The following RBKS variants were observed in gnomAD, a reference collection of about 807,000 sequenced individuals.
RBKS encodes the protein ribokinase.
A neutral mutation model predicts 33.9 loss-of-function variants in RBKS; 33 were observed. The observed-to-expected ratio is 0.97, with a 90% CI of 0.74 to 1.30. The LOEUF is 1.30. Among genes scored for constraint, RBKS ranks in the 50% most tolerant of loss-of-function variants. The probability of loss-of-function intolerance (pLI) is 0.00; values close to 1 mark genes in which losing one functional copy is unlikely to be tolerated. For missense variants in RBKS, 361 were observed against 392.6 expected (o/e 0.92, Z 0.68); for synonymous variants, 125 against 143.0 (o/e 0.87, Z 0.90).
chr2:27,881,012 G>A (rs544285971), intron 1 of RBKS, among the ~76,000 whole-genome samples: 2 of 152,036 alleles, frequency 1.3e-5, no homozygotes, highest in East Asian at 1.9e-4. Flanking sequence ...CCAGGAGTTC[G>A]AGACTAGCCT....
intron 1 of RBKS, among the ~76,000 whole-genome samples, chr2:27,877,010 A>G (rs1373504240): frequency 1.3e-5 from 2 of 152,188 alleles, no homozygotes; most frequent in Admixed American, 6.5e-5. Flanking sequence ...TCAAAACTTC[A>G]CAATAACACA....
In RBKS at chr2:27,890,341, G is replaced by A. The variant is rs1267579665; in HGVS notation, c.5C>T (p.Ala2Val). 1.2e-6 allele frequency: 2 copies of A among 1,613,038 alleles called. No individual in the cohort carries two copies. The highest frequency in any genetic ancestry group is 8.5e-7 in the Non-Finnish European group (1 of 1,179,906). The change falls in exon 1 of 8, where the codon GCG becomes GTG. Residue 2 changes from alanine to valine, a missense_variant. Coordinates refer to ENST00000302188, the MANE Select transcript of RBKS (RefSeq NM_022128.3). The surrounding 1 kb of genome is among the most constrained non-coding windows in gnomAD (Gnocchi z 4.8). M[A>V]ASGEPQRQWQ... ...CTGCCTCTGGGGTTCCCCAGACGCC[G>A]CCATCGCTCAAAGGTGCTGCTGTCC... is the stretch of plus-strand genomic sequence containing the variant.
chr2:27,785,624 G>C lies in RBKS; in HGVS notation c.796-3836C>G, dbSNP rs932670225. On this transcript the variant is annotated intron_variant, in intron 7 of 7. Coordinates refer to ENST00000302188, the MANE Select transcript of RBKS (RefSeq NM_022128.3). Reference sequence around the variant, plus strand: ...CTAAAAATACAAAAACTAGCCGGGCGTAGTGGCAGGTGCCTGTAATCCCAG... The same window carrying C: ...CTAAAAATACAAAAACTAGCCGGGCCTAGTGGCAGGTGCCTGTAATCCCAG... Among the ~76,000 whole-genome samples the C allele has an allele frequency of 5.3e-5, 8 of 152,150 alleles. No individual in the cohort carries two copies. The East Asian group carries it at 1.5e-3, about 29-fold the overall frequency.
intron 4 of RBKS, 103 bp from the exon 5 acceptor site, chr2:27,843,334 A>G (rs899252609): frequency 2.4e-6 from 2 of 835,996 alleles, no homozygotes; most frequent in African/African-American, 1.7e-5. Flanking sequence ...CATTATACAA[A>G]ATGTGTTATT....
At chr2:27,815,796 CCT>C (rs1187741682) in intron 7 of RBKS, among the ~76,000 whole-genome samples, 3 of 152,134 alleles carry the variant, frequency 2.0e-5, no homozygotes, top group African/African-American at 7.2e-5. Flanking sequence ...TATACAATGC[CCT>C]CTCACTGGGC....
chr2:27,857,141 G>T (rs1245914307), intron 2 of RBKS, among the ~76,000 whole-genome samples: 1 of 152,186 alleles, frequency 6.6e-6, no homozygotes, highest in Non-Finnish European at 1.5e-5. Context: ...AACTCCTGTG[G>T]AGAGAAAAGT....
chr2:27,888,699 T>C (rs986697446), intron 1 of RBKS, among the ~76,000 whole-genome samples: 2 of 152,248 alleles, frequency 1.3e-5, no homozygotes, highest in Non-Finnish European at 2.9e-5. Context: ...GTAATGTTCT[T>C]TCTACACAGA....
At chr2:27,794,685 A>G (rs2148185472) in intron 7 of RBKS, among the ~76,000 whole-genome samples, 1 of 147,958 alleles carries the variant, frequency 6.8e-6, no homozygotes, top group South Asian at 2.1e-4. Flanking sequence ...GTGCAATAGC[A>G]CGATCTCGGC....
rs966154497 is a variant in RBKS, at chr2:27,781,450, A to G, written c.*165T>C. 109 of 589,264 alleles carry G rather than the reference A, an allele frequency of 1.8e-4. No individual in the cohort carries two copies. The highest frequency in any genetic ancestry group is 3.4e-4 in the Admixed American group (10 of 29,122). 36.5% of individuals were successfully genotyped at this position (589,264 alleles called of 1,614,324 possible). On this transcript the variant is annotated 3_prime_UTR_variant, in exon 8 of 8. Coordinates refer to ENST00000302188, the MANE Select transcript of RBKS (RefSeq NM_022128.3). ...TTTTGTGCAAATGCATGGAAAGCAA[A>G]AGAATCATCGTTATAAATAAATTGA...
chr2:27,882,476 G>A (rs1346834749), intron 1 of RBKS, among the ~76,000 whole-genome samples: 6 of 152,188 alleles, frequency 3.9e-5, no homozygotes, highest in African/African-American at 1.2e-4. Context: ...TACACTGTTG[G>A]TGGGAGTGTA....
chr2:27,816,561 C>A (rs1479170538), intron 7 of RBKS, among the ~76,000 whole-genome samples: 1 of 152,070 alleles, frequency 6.6e-6, no homozygotes, highest in Non-Finnish European at 1.5e-5. Flanking sequence ...TTTTTTTTGG[C>A]CTGGTCTTTG....
At chr2:27,799,213 T>C (rs562194418) in intron 7 of RBKS, among the ~76,000 whole-genome samples, 1 of 152,262 alleles carries the variant, frequency 6.6e-6, no homozygotes, top group East Asian at 1.9e-4. Context: ...GAGGAAATGA[T>C]GGGTATGAAG....
intron 1 of RBKS, among the ~76,000 whole-genome samples, chr2:27,875,856 C>T (rs917579349): frequency 7.2e-5 from 11 of 151,956 alleles, no homozygotes; most frequent in African/African-American, 2.7e-4. Context: ...CTTGCACAAA[C>T]GTATACTTAG....
At chr2:27,889,187 G>A (rs918127652) in intron 1 of RBKS, among the ~76,000 whole-genome samples, 15 of 152,282 alleles carry the variant, frequency 9.9e-5, no homozygotes, top group African/African-American at 3.1e-4. Context: ...TTTAAGGTAA[G>A]GTTAAATTGG....
At chr2:27,830,431 A>G (rs779937593) in intron 6 of RBKS, among the ~76,000 whole-genome samples, 66 of 152,034 alleles carry the variant, frequency 4.3e-4, no homozygotes, top group Non-Finnish European at 5.1e-4. Context: ...ATGCCCAGCT[A>G]ATTTTTGTAT....
intron 5 of RBKS, among the ~76,000 whole-genome samples, chr2:27,833,964 T>C (rs1325051650): frequency 6.6e-6 from 1 of 152,222 alleles, no homozygotes; most frequent in African/African-American, 2.4e-5. Flanking sequence ...TAACAGTGCT[T>C]TGCAAACTTG....
chr2:27,882,715 G>T (rs750976859), intron 1 of RBKS, among the ~76,000 whole-genome samples: 5 of 152,052 alleles, frequency 3.3e-5, no homozygotes, highest in Non-Finnish European at 5.9e-5. Context: ...AAGAAAATGT[G>T]GTACATATAC....
chr2:27,876,386 T>C (rs1454122295), intron 1 of RBKS, among the ~76,000 whole-genome samples: 1 of 152,196 alleles, frequency 6.6e-6, no homozygotes, highest in Non-Finnish European at 1.5e-5. Flanking sequence ...TTACAAAGAC[T>C]CCACCTATAT....
chr2:27,884,448 T>C (rs185079440), intron 1 of RBKS, among the ~76,000 whole-genome samples: 22 of 152,272 alleles, frequency 1.4e-4, no homozygotes, highest in Admixed American at 2.0e-4. Flanking sequence ...GGTTTTGCCA[T>C]GTTGCCCAGG....
Sources: allele counts gnomAD v4.1 joint callset (sites outside exome capture counted in the v4.1 genomes callset), GRCh38; gene constraint gnomAD v4.1.1; non-coding constraint Gnocchi (gnomAD v3.1); transcripts MANE v1.5; gene names NCBI Gene and HGNC (gene_info 2026-07-23, HGNC 2026-07-21).